ZNF257: variants seen among roughly 807,000 people sequenced by gnomAD.
ZNF257 encodes the protein zinc finger protein 257.
Under a neutral mutation model 11.9 loss-of-function variants are expected in ZNF257, and 12 were observed. The ratio of observed to expected loss-of-function variants is 1.01; its 90% CI spans 0.65 to 1.63. The LOEUF (loss-of-function observed/expected upper bound fraction) is 1.63, where lower values mean the gene tolerates loss of function less well. Ranked by LOEUF, ZNF257 falls within the 40% of genes most tolerant of loss-of-function variation. ZNF257 has a pLI of 0.00. For missense variants in ZNF257, 580 were observed against 665.5 expected (o/e 0.87, Z 1.41); for synonymous variants, 183 against 222.7 (o/e 0.82, Z 1.59).
At chr19:22,067,107 T>G (rs73019842) in intron 1 of ZNF257, among the ~76,000 whole-genome samples, 34,733 of 152,110 alleles carry the variant, frequency 0.23, 4,693 homozygotes, top group South Asian at 0.44. Context: ...ACATAGTATG[T>G]GCTGTCTCCT....
chr19:22,059,587 A>G (rs2021736972), intron 1 of ZNF257, among the ~76,000 whole-genome samples: 1 of 150,224 alleles, frequency 6.7e-6, no homozygotes, highest in African/African-American at 2.5e-5. Context: ...TTTTCTAAGA[A>G]TACTGGTCTC....
Position 22,052,484 on chromosome 19 carries a change from A to C in ZNF257, c.-149A>C. 1.2e-6 allele frequency: 1 copy of C among 868,594 alleles called. No homozygotes were observed. The allele number at this position is 868,594 out of a possible 1,614,324, so 53.8% of individuals were successfully genotyped here. On this transcript the variant is annotated 5_prime_UTR_variant, in exon 1 of 4. Coordinates refer to ENST00000594947, the MANE Select transcript of ZNF257 (RefSeq NM_033468.4). ...AGGGTGGCTTCCGGGTTTGGCGGGT[A>C]CTTTGTCTCTCGCTCTAGCCCGAGC... is the stretch of plus-strand genomic sequence containing the variant.
intron 1 of ZNF257, chr19:22,065,732 G>A (rs1465109287): frequency 6.6e-6 from 1 of 152,060 alleles, no homozygotes; most frequent in African/African-American, 2.4e-5. Flanking sequence ...CAGGTGACAT[G>A]GCCATCCAAA....
In ZNF257 at chr19:22,089,682, A is replaced by G; in HGVS notation, c.*240A>G. On this transcript the variant is annotated 3_prime_UTR_variant, in exon 4 of 4. Coordinates refer to ENST00000594947, the MANE Select transcript of ZNF257 (RefSeq NM_033468.4). Reference sequence around the variant, plus strand: ...GTTCTCAACTCTTACTAAACATGAGAACACATGTGGAAGATAAAGCCTACA... The same window carrying G: ...GTTCTCAACTCTTACTAAACATGAGGACACATGTGGAAGATAAAGCCTACA... 1.0e-6 allele frequency: 1 copy of G among 993,574 alleles called. No homozygotes were observed. 61.5% of individuals were successfully genotyped at this position (993,574 alleles called of 1,614,324 possible).
chr19:22,089,395 G>T lies in ZNF257; in HGVS notation c.1645G>T (p.Gly549Cys). 1 of 1,612,242 alleles carries T rather than the reference G, an allele frequency of 6.2e-7. No homozygotes were observed. The highest frequency in any genetic ancestry group is 8.5e-7 in the Non-Finnish European group (1 of 1,179,122). Residue 549 changes from glycine (G) to cysteine (C), a missense_variant, in exon 4 of 4, where the codon GGC becomes TGC. Coordinates refer to ENST00000594947, the MANE Select transcript of ZNF257 (RefSeq NM_033468.4). ...GENPNKYEEC[G>C]KACNHSSNLT... ...GAACCCCAACAAATATGAAGAATGT[G>T]GCAAAGCTTGTAACCATTCCTCAAA...
intron 3 of ZNF257, among the ~76,000 whole-genome samples, chr19:22,080,247 T>G (rs1256001375): frequency 6.6e-6 from 1 of 152,160 alleles, no homozygotes; most frequent in African/African-American, 2.4e-5. Flanking sequence ...TCCAAAGTGT[T>G]GGGGTTATAG....
At chr19:22,080,300 G>A (rs557294490) in intron 3 of ZNF257, among the ~76,000 whole-genome samples, 3 of 152,294 alleles carry the variant, frequency 2.0e-5, no homozygotes, top group African/African-American at 4.8e-5. Context: ...AATGTTGAAT[G>A]TAAGACCAGT....
intron 3 of ZNF257, among the ~76,000 whole-genome samples, chr19:22,087,241 A>C (rs1227476959): frequency 1.4e-4 from 21 of 152,032 alleles, no homozygotes; most frequent in Admixed American, 1.4e-3. Flanking sequence ...TTAAAAAAAA[A>C]AAGGCTACCT....
intron 3 of ZNF257, among the ~76,000 whole-genome samples, chr19:22,076,837 C>T (rs534043575): frequency 6.6e-6 from 1 of 152,112 alleles, no homozygotes; most frequent in South Asian, 2.1e-4. Context: ...TACAGGCGCC[C>T]GCCACCATGC....
chr19:22,078,381 G>T (rs539939875), intron 3 of ZNF257, among the ~76,000 whole-genome samples: 3 of 150,906 alleles, frequency 2.0e-5, no homozygotes, highest in Non-Finnish European at 4.4e-5. Flanking sequence ...GTATATTTTT[G>T]ATAAGAATTT....
In ZNF257 at chr19:22,071,839, G is replaced by A. The variant is rs2022110710; in HGVS notation, c.4-970G>A. On this transcript the variant is annotated intron_variant, in intron 1 of 3. Transcript: ENST00000594947. ...TTAAAAAAGATGGAAAACTTGTAAT[G>A]TTGAGGTTCCATCTGTGTTCTTCAT... Among the ~76,000 whole-genome samples, 4 of 152,218 alleles carry A rather than the reference G, an allele frequency of 2.6e-5. No individual in the cohort carries two copies. The East Asian group carries it at 7.7e-4, about 29-fold the overall frequency.
chr19:22,061,048 T>C (rs943562069), intron 1 of ZNF257, among the ~76,000 whole-genome samples: 25 of 152,166 alleles, frequency 1.6e-4, no homozygotes, highest in Admixed American at 5.9e-4. Context: ...TAAAGTTTGG[T>C]AATATAAGGC....
At chr19:22,055,947 C>T (rs367717788) in intron 1 of ZNF257, among the ~76,000 whole-genome samples, 4 of 149,446 alleles carry the variant, frequency 2.7e-5, no homozygotes, top group African/African-American at 7.4e-5. Context: ...CCCAGCTACT[C>T]GGGAGGCTGA....
intron 1 of ZNF257, among the ~76,000 whole-genome samples, chr19:22,072,160 C>T (rs2022118533): frequency 6.6e-6 from 1 of 152,058 alleles, no homozygotes; most frequent in African/African-American, 2.4e-5. Flanking sequence ...AAAATTTGTC[C>T]TAGTGCAAGT....
chr19:22,070,088 T>C (rs939813838), intron 1 of ZNF257, among the ~76,000 whole-genome samples: 6 of 152,144 alleles, frequency 3.9e-5, no homozygotes, highest in Non-Finnish European at 8.8e-5. Context: ...TGCTCACAGT[T>C]TTCTGAAATC....
At chr19:22,077,866 C>G (rs2145709057) in intron 3 of ZNF257, among the ~76,000 whole-genome samples, 1 of 152,020 alleles carries the variant, frequency 6.6e-6, no homozygotes, top group East Asian at 1.9e-4. Flanking sequence ...TGGCTACGCT[C>G]CTGATTTTCA....
rs1218666330 is a variant in ZNF257, at chr19:22,052,579, G to C, written c.-54G>C. ...CCCAGCCTCTGTGGCCCTGTGACCT[G>C]CAGGTATTGGGAGATCCCCAGCTAA... is the stretch of plus-strand genomic sequence containing the variant. On this transcript the variant is annotated 5_prime_UTR_variant, in exon 1 of 4. Transcript: ENST00000594947. The C allele has an allele frequency of 9.4e-6, 15 of 1,597,276 alleles. No individual in the cohort carries two copies. The East Asian group carries it at 3.4e-4, about 36-fold the overall frequency.
At chr19:22,061,552 T>G (rs1038326858) in intron 1 of ZNF257, among the ~76,000 whole-genome samples, 18 of 152,196 alleles carry the variant, frequency 1.2e-4, no homozygotes, top group Admixed American at 9.8e-4. Context: ...ACTATAGTCT[T>G]TTCTAGATAC....
In ZNF257 at chr19:22,087,985, TCTC is replaced by T; in HGVS notation, c.236_238del (p.Ser79_His80delinsTyr). ...GTTTTTATTTCTTTTAGTTATGTGT[TCTC>T]ATATTGCTGAAGACCTTTGCCCAGA... On this transcript the variant is annotated inframe_deletion, in exon 4 of 4. Coordinates refer to ENST00000594947, the MANE Select transcript of ZNF257 (RefSeq NM_033468.4). 1 of 1,498,908 alleles carries T rather than the reference TCTC, an allele frequency of 6.7e-7. No homozygotes were observed. Among genetic ancestry groups the T allele is most frequent in the Non-Finnish European group, 8.9e-7 (1 of 1,123,570 alleles). The allele number at this position is 1,498,908 out of a possible 1,614,324, so 92.9% of individuals were successfully genotyped here. A position where few individuals can be genotyped will look rare whatever the true frequency, so the allele number is the denominator to read the frequency against.
Sources: allele counts gnomAD v4.1 joint callset (sites outside exome capture counted in the v4.1 genomes callset), GRCh38; gene constraint gnomAD v4.1.1; transcripts MANE v1.5; gene names NCBI Gene and HGNC (gene_info 2026-07-23, HGNC 2026-07-21).